The following IDH3A variants were observed in gnomAD, a reference collection of about 807,000 sequenced individuals.
The protein encoded by IDH3A is isocitrate dehydrogenase [NAD] subunit alpha, mitochondrial.
IDH3A carries 23 observed loss-of-function variants against 43.3 expected under a neutral mutation model. The ratio of observed to expected loss-of-function variants is 0.53; its 90% confidence interval spans 0.38 to 0.75. IDH3A has a LOEUF of 0.75. Ranked by LOEUF, IDH3A falls within the 30% of genes least tolerant of loss-of-function variation. The pLI is 0.00. For synonymous variants in IDH3A, 154 were observed against 163.5 expected, an observed-to-expected ratio of 0.94 and a Z score of 0.44; for missense variants, 329 against 474.4, an observed-to-expected ratio of 0.69 and a Z score of 2.85.
At position 78,160,149 on chromosome 15, in the gene IDH3A, T is replaced by C; in HGVS notation, c.232T>C (p.Trp78Arg). The change falls in exon 4 of 11, where the codon TGG (tryptophan) becomes CGG (arginine). Residue 78 changes from tryptophan to arginine, a missense_variant. Physicochemically the swap from Trp to Arg is moderately radical, Grantham distance 101 (BLOSUM62 -3). This residue lies in a region of IDH3A where 212 missense variants were observed against 345.5 expected (regional missense o/e 0.61). Transcript: ENST00000299518. ...TGCCATTCAAGGACCTGGAGGAAAG[T>C]GGATGATCCCTTCAGAGGCTAAAGA... ...VTAIQGPGGKWMIPSEAKESM... is the reference protein window; with the variant it reads ...VTAIQGPGGKRMIPSEAKESM... 1 of 1,613,806 alleles carries C rather than the reference T, an allele frequency of 6.2e-7. No homozygotes were observed. Among genetic ancestry groups the C allele is most frequent in the Non-Finnish European group, 8.5e-7 (1 of 1,179,734 alleles).
At position 78,161,880 on chromosome 15, in the gene IDH3A, G is replaced by A; in HGVS notation, c.477+112G>A. ...GTGAGGAGTTGTGGGTGTTTGTCTT[G>A]GTGCTGGGTGTCTGGCTGACAGTAC... On this transcript the variant is annotated intron_variant, in intron 5 of 10. Coordinates refer to ENST00000299518, the MANE Select transcript of IDH3A (RefSeq NM_005530.3). The surrounding 1 kb of genome is among the most constrained non-coding windows in gnomAD (Gnocchi z 4.8). The A allele has an allele frequency of 1.1e-6, 1 of 941,764 alleles. No homozygotes were observed. The highest frequency in any genetic ancestry group is 1.6e-6 in the Non-Finnish European group (1 of 607,966). The allele number at this position is 941,764 out of a possible 1,614,324, so 58.3% of individuals were successfully genotyped here. A position where few individuals can be genotyped will look rare whatever the true frequency, so the allele number is the denominator to read the frequency against.
In IDH3A at chr15:78,166,174, G is replaced by A; in HGVS notation, c.889G>A (p.Ala297Thr). 1 of 1,614,148 alleles carries A rather than the reference G, an allele frequency of 6.2e-7. No individual in the cohort carries two copies. Among genetic ancestry groups the A allele is most frequent in the African/African-American group, 1.3e-5 (1 of 75,036 alleles). ...GGTTCATGGGACGGCTCCAGACATT[G>A]CAGGCAAGGACATGGCGAATCCCAC... ...ESVHGTAPDI[A>T]GKDMANPTAL... The change falls in exon 10 of 11, where the codon GCA becomes ACA. Residue 297 changes from alanine (A) to threonine (T), a missense_variant. By Grantham distance (58) the Ala-to-Thr change is moderately conservative. Transcript: ENST00000299518.
chr15:78,149,754 C>A (rs903422218), intron 1 of IDH3A, among the ~76,000 whole-genome samples: 8 of 152,230 alleles, frequency 5.3e-5, no homozygotes, highest in Admixed American at 2.0e-4. Context: ...GGCTTCGCGC[C>A]GAGCCCGGGA....
chr15:78,156,929 T>G (rs2074627898), intron 2 of IDH3A: 1 of 1,351,750 alleles, frequency 7.4e-7, no homozygotes, highest in African/African-American at 1.5e-5. Flanking sequence ...CAAGCTTATG[T>G]AGATTACTCT....
In IDH3A at chr15:78,164,354, A is replaced by ATT. The variant is rs144772337; in HGVS notation, c.779+589_779+590dup. On this transcript the variant is annotated intron_variant, in intron 8 of 10. Transcript: ENST00000299518. Reference sequence around the variant, plus strand: ...AGATGTTGGCCAAATGGTGATTTTCATTTTTTTTTTTTTTTTGAGGCAGAG... The same window carrying ATT: ...AGATGTTGGCCAAATGGTGATTTTCATTTTTTTTTTTTTTTTTTGAGGCAGAG... Among the ~76,000 whole-genome samples the ATT allele has an allele frequency of 1.2e-3, 142 of 116,558 alleles. 4 individuals carry two copies. Among genetic ancestry groups the ATT allele is most frequent in the African/African-American group, 2.1e-3 (61 of 29,648 alleles). 76.5% of individuals were successfully genotyped at this position (116,558 alleles called of 152,430 possible). A position where few individuals can be genotyped will look rare whatever the true frequency, so the allele number is the denominator to read the frequency against.
rs2074801465 is a variant in IDH3A, at chr15:78,170,118, T to G, written c.*1113T>G. ...CACAAAATTATGCCATGCTGGGGCT[T>G]GAGCTTGAGCTTGGGCTTAGGCTTG... On this transcript the variant is annotated 3_prime_UTR_variant, in exon 11 of 11. Coordinates refer to ENST00000299518, the MANE Select transcript of IDH3A (RefSeq NM_005530.3). The G allele has an allele frequency of 1.3e-5, 2 of 152,246 alleles. No homozygotes were observed. The highest frequency in any genetic ancestry group is 2.1e-4 in the South Asian group (1 of 4,830). 9.4% of individuals were successfully genotyped at this position (152,246 alleles called of 1,614,324 possible).
intron 1 of IDH3A, among the ~76,000 whole-genome samples, chr15:78,150,456 A>AT (rs1567067179): frequency 6.6e-6 from 1 of 151,942 alleles, no homozygotes; most frequent in South Asian, 2.1e-4. Flanking sequence ...CTTTTCTCCC[A>AT]TTTTTTCGGT....
chr15:78,155,678 A>G, intron 2 of IDH3A: 1 of 180,690 alleles, frequency 5.5e-6, no homozygotes, highest in Admixed American at 5.8e-5. Flanking sequence ...TAAACCCAGT[A>G]GATTGAGTGC....
At chr15:78,162,446 CAGCT>C in intron 6 of IDH3A, 79 bp downstream of exon 6, 1 of 1,498,244 alleles carries the variant, frequency 6.7e-7, no homozygotes, top group Non-Finnish European at 9.1e-7. Flanking sequence ...TTCTCCTCTT[CAGCT>C]TGTTCCTTGA....
At chr15:78,159,715 G>A (rs949258997) in intron 3 of IDH3A, among the ~76,000 whole-genome samples, 2 of 152,134 alleles carry the variant, frequency 1.3e-5, no homozygotes, top group South Asian at 4.1e-4. Flanking sequence ...AAAGGGCTGG[G>A]CCCGGTAGCT....
intron 8 of IDH3A, among the ~76,000 whole-genome samples, chr15:78,164,266 C>A (rs2141300386): frequency 6.6e-6 from 1 of 151,882 alleles, no homozygotes; most frequent in East Asian, 1.9e-4. Flanking sequence ...CCTTCCTCTT[C>A]CTCCTCTCCT....
Position 78,161,727 on chromosome 15 carries a change from C to G in IDH3A, c.436C>G (p.Arg146Gly). 1.2e-6 allele frequency: 2 copies of G among 1,614,052 alleles called. No homozygotes were observed. The highest frequency in any genetic ancestry group is 1.7e-6 in the Non-Finnish European group (2 of 1,179,982). ...PYTDVNIVTI[R>G]ENTEGEYSGI... ...CACCGATGTAAATATTGTGACCATT[C>G]GAGAGAACACAGAAGGAGAATACAG... Residue 146 changes from arginine (R) to glycine (G), a missense_variant, in exon 5 of 11, where the codon CGA (arginine) becomes GGA (glycine). Physicochemically the swap from Arg to Gly is moderately radical, Grantham distance 125. Transcript: ENST00000299518. The surrounding 1 kb of genome is among the most constrained non-coding windows in gnomAD (Gnocchi z 4.8).
In IDH3A at chr15:78,171,680, C is replaced by T. The variant is rs978919371; in HGVS notation, c.*2675C>T. ...AGTAGCCAGCCTCCAAGACAGTGAT[C>T]GCTCCTGGTATTCATATGGCTTGTG... On this transcript the variant is annotated 3_prime_UTR_variant, in exon 11 of 11. Coordinates refer to ENST00000299518, the MANE Select transcript of IDH3A (RefSeq NM_005530.3). 1.3e-5 allele frequency: 8 copies of T among 620,662 alleles called. 1 individual carries two copies. Among genetic ancestry groups the T allele is most frequent in the Non-Finnish European group, 2.0e-5 (7 of 347,866 alleles). The allele number at this position is 620,662 out of a possible 1,614,324, so 38.4% of individuals were successfully genotyped here. A position where few individuals can be genotyped will look rare whatever the true frequency, so the allele number is the denominator to read the frequency against.
intron 1 of IDH3A, chr15:78,150,902 G>A (rs933953971): frequency 6.6e-6 from 1 of 152,188 alleles, no homozygotes; most frequent in Non-Finnish European, 1.5e-5. Flanking sequence ...GTGTCACTGT[G>A]AAAACTGAAC....
intron 4 of IDH3A, among the ~76,000 whole-genome samples, chr15:78,160,669 T>G (rs1454056581): frequency 6.6e-6 from 1 of 152,014 alleles, no homozygotes; most frequent in Non-Finnish European, 1.5e-5. Context: ...TTTTAAAAAG[T>G]TTTTTGTAGA....
chr15:78,166,025 CA>C, intron 9 of IDH3A, 124 bp from the exon 10 acceptor site: 2 of 869,306 alleles, frequency 2.3e-6, no homozygotes, highest in Non-Finnish European at 3.7e-6. Flanking sequence ...AGATGAATTG[CA>C]CGCAGTAGCT....
chr15:78,156,319 T>A (rs1279412974), intron 2 of IDH3A, among the ~76,000 whole-genome samples: 2 of 152,150 alleles, frequency 1.3e-5, no homozygotes, highest in East Asian at 1.9e-4. Flanking sequence ...TTAATTTTTT[T>A]AAAGACTTCT....
chr15:78,168,745 G>A (rs1595874342), intron 10 of IDH3A, 177 bp from the exon 11 acceptor site: 3 of 560,162 alleles, frequency 5.4e-6, no homozygotes, highest in South Asian at 2.3e-5. Flanking sequence ...ATTGGATCCC[G>A]ATCCTCCTGG....
chr15:78,154,056 C>A (rs1351126863), intron 1 of IDH3A, among the ~76,000 whole-genome samples: 1 of 151,912 alleles, frequency 6.6e-6, no homozygotes, highest in Admixed American at 6.6e-5. Flanking sequence ...GGTCTATGTA[C>A]CCAGTTTCTT....
Sources: gnomAD v4.1 joint callset for allele counts (sites outside exome capture counted in the v4.1 genomes callset) on GRCh38, gnomAD v4.1.1 for gene constraint, gnomAD v4.1.1 regional missense constraint, Gnocchi (gnomAD v3.1) non-coding constraint, MANE v1.5 for transcripts, NCBI Gene and HGNC (gene_info 2026-07-23, HGNC 2026-07-21) for gene names.